Variants in FBXW2 observed in about 807,000 individuals in gnomAD.
The protein encoded by FBXW2 is F-box and WD repeat domain containing 2, also known as F-box/WD repeat-containing protein 2.
FBXW2 carries 12 observed loss-of-function variants against 46.0 expected under a neutral mutation model. The observed-to-expected ratio is 0.26, with a 90% CI of 0.17 to 0.42. FBXW2 has a LOEUF of 0.42. FBXW2 is among the 10% of genes least tolerant of loss of function. The pLI is 1.00. For missense variants in FBXW2, 360 were observed against 537.0 expected (o/e 0.67, Z 3.26); for synonymous variants, 203 against 209.6 (o/e 0.97, Z 0.27).
chr9:120,766,740 G>A (rs1441623501), intron 7 of FBXW2, among the ~76,000 whole-genome samples: 3 of 152,186 alleles, frequency 2.0e-5, no homozygotes, highest in African/African-American at 4.8e-5. Context: ...GATTACAGGC[G>A]TGAGCCACTG....
At chr9:120,792,831 C>G in intron 2 of FBXW2, 1 of 1,347,932 alleles carries the variant, frequency 7.4e-7, no homozygotes. Context: ...ACCATTATTA[C>G]TTAGCATTAA....
intron 5 of FBXW2, among the ~76,000 whole-genome samples, chr9:120,774,382 C>T (rs936638837): frequency 4.0e-5 from 6 of 150,168 alleles, no homozygotes; most frequent in African/African-American, 1.2e-4. Context: ...TGTGGTGGCA[C>T]GTGGCTGTAG....
At chr9:120,776,356 T>A in intron 4 of FBXW2, 130 bp from the exon 5 acceptor site, 2 of 994,294 alleles carry the variant, frequency 2.0e-6, no homozygotes. Flanking sequence ...ATGATGCTAT[T>A]CAACTAGCAA....
chr9:120,778,091 GAGAGAGAGAAAC>G (rs1292627778), intron 4 of FBXW2, among the ~76,000 whole-genome samples: 1 of 152,004 alleles, frequency 6.6e-6, no homozygotes, highest in Non-Finnish European at 1.5e-5. Flanking sequence ...GAATGAGAGA[GAGAGAGAGAAAC>G]AGAGAGAGAA....
chr9:120,785,645 G>A (rs2044703991), intron 3 of FBXW2, among the ~76,000 whole-genome samples: 1 of 152,092 alleles, frequency 6.6e-6, no homozygotes, highest in Non-Finnish European at 1.5e-5. Context: ...TTTAAATTGA[G>A]TCTGGTGAGA....
intron 5 of FBXW2, among the ~76,000 whole-genome samples, chr9:120,774,289 A>G (rs2044443924): frequency 6.7e-6 from 1 of 148,552 alleles, no homozygotes; most frequent in Admixed American, 6.9e-5. Context: ...GTGAGCCGAG[A>G]TCGTGCCACT....
chr9:120,782,200 G>A (rs1054304507), intron 3 of FBXW2, among the ~76,000 whole-genome samples: 1 of 152,086 alleles, frequency 6.6e-6, no homozygotes, highest in Non-Finnish European at 1.5e-5. Context: ...CAGGCATGGT[G>A]GCTCATGCCT....
At chr9:120,778,764 T>C (rs561941044) in intron 3 of FBXW2, among the ~76,000 whole-genome samples, 2 of 152,264 alleles carry the variant, frequency 1.3e-5, no homozygotes, top group East Asian at 3.9e-4. Flanking sequence ...GCTTTTTGGG[T>C]GAGACACTTT....
rs1473745760 is a variant in FBXW2, at chr9:120,757,509, A to G, written c.*7050T>C. 6.6e-6 allele frequency: 1 copy of G among 152,260 alleles called. No homozygotes were observed. Among genetic ancestry groups the G allele is most frequent in the Non-Finnish European group, 1.5e-5 (1 of 68,044 alleles). The allele number at this position is 152,260 out of a possible 1,614,324, so 9.4% of individuals were successfully genotyped here. On this transcript the variant is annotated 3_prime_UTR_variant, in exon 8 of 8. Coordinates refer to ENST00000608872, the MANE Select transcript of FBXW2 (RefSeq NM_012164.4). ...TACCAAAACAGAAATGGTTTAGCAA[A>G]TTACAGTAATGAAGGAAAATTACAA...
rs563599344 is a variant in FBXW2, at chr9:120,759,881, G to A, written c.*4678C>T. The A allele has an allele frequency of 1.3e-5, 2 of 152,292 alleles. No individual in the cohort carries two copies. The highest frequency in any genetic ancestry group is 3.9e-4 in the East Asian group (2 of 5,184). 9.4% of individuals were successfully genotyped at this position (152,292 alleles called of 1,614,324 possible). A position where few individuals can be genotyped will look rare whatever the true frequency, so the allele number is the denominator to read the frequency against. ...TAACAGCAAAACAGCTTTTTGCACT[G>A]AGCGTGACCATTCAGTCTGATTAGG... On this transcript the variant is annotated 3_prime_UTR_variant, in exon 8 of 8. Transcript: ENST00000608872.
At chr9:120,769,795 G>A (rs1424866660) in intron 7 of FBXW2, among the ~76,000 whole-genome samples, 4 of 152,208 alleles carry the variant, frequency 2.6e-5, no homozygotes, top group African/African-American at 9.6e-5. Context: ...GGAATGCTGG[G>A]CAAGGCCCCT....
rs1172886296 is a variant in FBXW2 at position 120,764,843 on chromosome 9, T to C, written c.1081A>G (p.Ile361Val). 4 of 1,579,756 alleles carry C rather than the reference T, an allele frequency of 2.5e-6. No homozygotes were observed. The highest frequency in any genetic ancestry group is 1.3e-5 in the African/African-American group (1 of 74,458). Residue 361 changes from isoleucine (I) to valine (V), a missense_variant, in exon 8 of 8, where the codon ATC (isoleucine) becomes GTC (valine). Transcript: ENST00000608872. ...DFASYDILRV[I>V]KTPEIANLAL... The stretch of plus-strand genomic sequence containing the variant: ...AAGTTTGCTATCTCAGGAGTCTTGA[T>C]GACCCTACAAGGATGAGAGTTAGGG...
At chr9:120,787,338 A>C (rs370635998) in intron 3 of FBXW2, among the ~76,000 whole-genome samples, 4 of 152,142 alleles carry the variant, frequency 2.6e-5, no homozygotes, top group Admixed American at 6.6e-5. Context: ...CTCCTTTCCC[A>C]TATTTTAAAG....
chr9:120,777,494 T>C (rs907288302), intron 4 of FBXW2, among the ~76,000 whole-genome samples: 8 of 152,336 alleles, frequency 5.3e-5, no homozygotes, highest in East Asian at 1.9e-4. Flanking sequence ...AAGATTATAT[T>C]TGTATGATGA....
chr9:120,774,355 A>G (rs948585756), intron 5 of FBXW2, among the ~76,000 whole-genome samples: 30 of 151,524 alleles, frequency 2.0e-4, no homozygotes, highest in South Asian at 1.0e-3. Flanking sequence ...AAAAAAAAAA[A>G]AAAGAAATTA....
chr9:120,774,018 C>T (rs776610079), intron 5 of FBXW2, among the ~76,000 whole-genome samples: 1 of 152,026 alleles, frequency 6.6e-6, no homozygotes. Flanking sequence ...CAGCAAGACC[C>T]CCATCTCCAC....
chr9:120,779,272 C>G (rs567859025), intron 3 of FBXW2, among the ~76,000 whole-genome samples: 1 of 152,262 alleles, frequency 6.6e-6, no homozygotes, highest in African/African-American at 2.4e-5. Flanking sequence ...GTTTAAAATC[C>G]TAATGATTAA....
intron 2 of FBXW2, chr9:120,792,562 C>G (rs2044870242): frequency 5.5e-6 from 1 of 180,540 alleles, no homozygotes; most frequent in African/African-American, 2.4e-5. Context: ...CAAAAAATAG[C>G]CTTTAGTTTT....
intron 2 of FBXW2, chr9:120,792,874 C>T: frequency 6.6e-7 from 1 of 1,509,802 alleles, no homozygotes. Flanking sequence ...CAAGCAGCAC[C>T]CCACATACAC....
Sources: gnomAD v4.1 joint callset for allele counts (sites outside exome capture counted in the v4.1 genomes callset) on GRCh38, gnomAD v4.1.1 for gene constraint, MANE v1.5 for transcripts, NCBI Gene and HGNC (gene_info 2026-07-23, HGNC 2026-07-21) for gene names.